UBR3: variants seen among roughly 807,000 people sequenced by gnomAD.
The protein encoded by UBR3 is E3 ubiquitin-protein ligase UBR3.
Under a neutral mutation model 243.2 loss-of-function variants are expected in UBR3, and 85 were observed. The ratio of observed to expected loss-of-function variants is 0.35; its 90% CI spans 0.29 to 0.42. The LOEUF is 0.42. Ranked by LOEUF, UBR3 falls within the 10% of genes least tolerant of loss-of-function variation. The pLI is 1.00. For missense variants in UBR3, 1,686 were observed against 2,300.8 expected (o/e 0.73, Z 5.47); for synonymous variants, 748 against 799.8 (o/e 0.94, Z 1.09).
chr2:169,849,312 T>C (rs776578784), intron 1 of UBR3, among the ~76,000 whole-genome samples: 3 of 152,260 alleles, frequency 2.0e-5, no homozygotes, highest in East Asian at 1.9e-4. Flanking sequence ...TAGGAATAGA[T>C]TGAAATAGAG....
At chr2:169,884,965 A>C (rs886548020) in intron 5 of UBR3, among the ~76,000 whole-genome samples, 3 of 152,224 alleles carry the variant, frequency 2.0e-5, no homozygotes, top group African/African-American at 7.2e-5. Flanking sequence ...GAGTACTTAA[A>C]TATAGATGTT....
intron 1 of UBR3, among the ~76,000 whole-genome samples, chr2:169,839,268 C>G (rs1211378954): frequency 6.6e-6 from 1 of 152,062 alleles, no homozygotes; most frequent in African/African-American, 2.4e-5. Flanking sequence ...AAACCAAGGG[C>G]AGAAAGACAA....
intron 11 of UBR3, among the ~76,000 whole-genome samples, chr2:169,914,897 A>T (rs2085399967): frequency 6.6e-6 from 1 of 151,398 alleles, no homozygotes; most frequent in Non-Finnish European, 1.5e-5. Flanking sequence ...TGTTTAAAAA[A>T]TTTTTGACAC....
intron 35 of UBR3, among the ~76,000 whole-genome samples, chr2:170,062,111 T>C (rs753917878): frequency 6.6e-6 from 1 of 152,226 alleles, no homozygotes; most frequent in Non-Finnish European, 1.5e-5. Context: ...GTTGAAGATA[T>C]GACAGCATTT....
intron 16 of UBR3, 31 bp downstream of exon 16, chr2:169,927,002 TTAACTGTTTTCCTC>T: frequency 6.5e-7 from 1 of 1,534,804 alleles, no homozygotes; most frequent in South Asian, 1.2e-5. Flanking sequence ...TACTTATGCA[TTAACTGTTTTCCTC>T]CCTTTCTCCC....
chr2:170,006,119 C>T lies in UBR3; in HGVS notation c.4030-871C>T, dbSNP rs188343901. On this transcript the variant is annotated intron_variant, in intron 27 of 38. Coordinates refer to ENST00000272793, the MANE Select transcript of UBR3 (RefSeq NM_172070.4). ...CAGAATGTTCTTCTGTGACCAGGAC[C>T]CTTGCCCCAATTTTTTAGCACACTT... Among the ~76,000 whole-genome samples the T allele has an allele frequency of 2.8e-4, 43 of 152,198 alleles. 1 individual carries two copies. The highest frequency in any genetic ancestry group is 2.4e-4 in the Non-Finnish European group (16 of 68,012).
intron 8 of UBR3, among the ~76,000 whole-genome samples, chr2:169,900,995 G>A (rs1175752935): frequency 1.3e-5 from 2 of 152,050 alleles, no homozygotes; most frequent in Non-Finnish European, 1.5e-5. Flanking sequence ...TACCCTTTTT[G>A]TAAACTACAT....
chr2:169,907,946 A>C (rs541413207), intron 10 of UBR3, among the ~76,000 whole-genome samples: 25 of 151,938 alleles, frequency 1.6e-4, no homozygotes, highest in African/African-American at 5.8e-4. Context: ...TCATTTTTGT[A>C]TTTTTAGTAA....
intron 14 of UBR3, 87 bp downstream of exon 14, chr2:169,925,834 G>A: frequency 2.4e-6 from 3 of 1,237,610 alleles, no homozygotes; most frequent in South Asian, 3.7e-5. Context: ...ACTGCGTGAT[G>A]ACATGGAGAG....
At chr2:169,880,703 CT>C (rs1310021275) in intron 5 of UBR3, among the ~76,000 whole-genome samples, 2 of 152,080 alleles carry the variant, frequency 1.3e-5, no homozygotes, top group Non-Finnish European at 2.9e-5. Flanking sequence ...AATATTGCCC[CT>C]TTTTTATTCA....
At position 169,971,291 on chromosome 2, in the gene UBR3, T is replaced by C. The variant is rs1167309398; in HGVS notation, c.3634+12765T>C. Among the ~76,000 whole-genome samples, 71 of 151,634 alleles carry C rather than the reference T, an allele frequency of 4.7e-4. No individual in the cohort carries two copies. The East Asian group carries it at 0.012, about 25-fold the overall frequency. ...TCTGTAGGTTGCCTGTTCACTCTGA[T>C]GGTAGTTTCTTTTGCTGTGCAGAAG... On this transcript the variant is annotated intron_variant, in intron 24 of 38. Transcript: ENST00000272793.
At chr2:170,068,830 A>G (rs2091636609) in intron 35 of UBR3, among the ~76,000 whole-genome samples, 1 of 152,232 alleles carries the variant, frequency 6.6e-6, no homozygotes, top group South Asian at 2.1e-4. Context: ...ATATATAGAT[A>G]ACATTTGCCA....
At chr2:169,991,562 TAAAC>T (rs2089273438) in intron 25 of UBR3, among the ~76,000 whole-genome samples, 2 of 152,116 alleles carry the variant, frequency 1.3e-5, no homozygotes, top group South Asian at 4.1e-4. Context: ...ATGTGGAAAT[TAAAC>T]AACATACTCT....
chr2:170,077,419 G>C, intron 36 of UBR3: 13 of 1,466,992 alleles, frequency 8.9e-6, no homozygotes, highest in Non-Finnish European at 1.2e-5. Context: ...ACCAAGTATT[G>C]TTAGGCAAAA....
intron 10 of UBR3, among the ~76,000 whole-genome samples, chr2:169,912,966 C>T (rs185846530): frequency 1.3e-5 from 2 of 152,156 alleles, no homozygotes; most frequent in East Asian, 3.9e-4. Flanking sequence ...AAAATTTTTT[C>T]GCAGAGACAG....
intron 35 of UBR3, among the ~76,000 whole-genome samples, chr2:170,065,468 T>C (rs1163307978): frequency 6.6e-6 from 1 of 152,088 alleles, no homozygotes; most frequent in Non-Finnish European, 1.5e-5. Context: ...TTTGTATTTT[T>C]AGTGGAGACA....
At chr2:170,066,553 T>A (rs2105451052) in intron 35 of UBR3, among the ~76,000 whole-genome samples, 1 of 152,304 alleles carries the variant, frequency 6.6e-6, no homozygotes, top group East Asian at 1.9e-4. Context: ...TTAATATATC[T>A]CCTTTTTTTC....
At chr2:169,847,097 G>GTC (rs887055259) in intron 1 of UBR3, among the ~76,000 whole-genome samples, 5 of 40,658 alleles carry the variant, frequency 1.2e-4, no homozygotes, top group African/African-American at 3.2e-4. Context: ...GTGTGTGTGT[G>GTC]TGTGTGTGTG....
chr2:170,010,464 G>T (rs1257774923), intron 29 of UBR3, among the ~76,000 whole-genome samples: 2 of 152,080 alleles, frequency 1.3e-5, no homozygotes, highest in African/African-American at 4.8e-5. Flanking sequence ...TCTGTCATTG[G>T]AATTTTCCTG....
Sources: allele counts gnomAD v4.1 joint callset (sites outside exome capture counted in the v4.1 genomes callset), GRCh38; gene constraint gnomAD v4.1.1; transcripts MANE v1.5; gene names NCBI Gene and HGNC (gene_info 2026-07-23, HGNC 2026-07-21).